SH3BGRL: variants seen among roughly 807,000 people sequenced by gnomAD.
SH3BGRL encodes adapter SH3BGRL.
A neutral mutation model predicts 9.8 loss-of-function variants in SH3BGRL; 7 were observed. That is an observed-to-expected ratio of 0.72 (90% CI 0.41 to 1.35). SH3BGRL has a LOEUF of 1.35. SH3BGRL is among the 40% of genes most tolerant of loss of function. The pLI is 0.01. For synonymous variants in SH3BGRL, 36 were observed against 29.1 expected (o/e 1.24, Z -0.76); for missense variants, 73 against 84.4 (o/e 0.86, Z 0.53).
chrX:81,290,686 T>C (rs776371131), intron 3 of SH3BGRL, among the ~76,000 whole-genome samples: 6 of 110,817 alleles, frequency 5.4e-5, no homozygotes, highest in Non-Finnish European at 1.1e-4. Flanking sequence ...CGGTCAAAAA[T>C]AAATTAATTG....
chrX:81,252,935 C>T (rs1010527144), intron 1 of SH3BGRL, among the ~76,000 whole-genome samples: 5 of 112,577 alleles, frequency 4.4e-5, no homozygotes, highest in Non-Finnish European at 7.5e-5. Context: ...GCTTACACAA[C>T]ATTTGAGTAA....
chrX:81,214,076 A>G (rs947025087), intron 1 of SH3BGRL, among the ~76,000 whole-genome samples: 1 of 112,624 alleles, frequency 8.9e-6, no homozygotes, highest in Non-Finnish European at 1.9e-5. Flanking sequence ...CAGGAACAGC[A>G]GGAAACACGT....
intron 1 of SH3BGRL, among the ~76,000 whole-genome samples, chrX:81,272,028 A>G (rs1353788359): frequency 2.8e-5 from 3 of 108,712 alleles, no homozygotes; most frequent in Non-Finnish European, 5.7e-5. Context: ...CCCTGTCTCT[A>G]CTAAAAATAC....
intron 3 of SH3BGRL, among the ~76,000 whole-genome samples, chrX:81,284,198 A>C (rs995480029): frequency 2.7e-5 from 3 of 111,569 alleles, no homozygotes; most frequent in African/African-American, 6.5e-5. Flanking sequence ...TCCCATGCTC[A>C]TGGATGGATA....
intron 3 of SH3BGRL, among the ~76,000 whole-genome samples, chrX:81,280,317 A>G (rs1301027100): frequency 9.0e-6 from 1 of 110,926 alleles, no homozygotes; most frequent in Admixed American, 9.6e-5. Context: ...CCCTCTCCGC[A>G]ATACTACAGC....
At chrX:81,205,788 CTG>C (rs1161287342) in intron 1 of SH3BGRL, among the ~76,000 whole-genome samples, 1 of 110,231 alleles carries the variant, frequency 9.1e-6, no homozygotes, top group Non-Finnish European at 1.9e-5. Flanking sequence ...TGAGAAATCT[CTG>C]TGCTGTTTTC....
intron 1 of SH3BGRL, among the ~76,000 whole-genome samples, chrX:81,230,675 A>G (rs945645085): frequency 7.1e-5 from 8 of 112,135 alleles, no homozygotes; most frequent in Non-Finnish European, 1.5e-4. Flanking sequence ...GAGAGATCAA[A>G]TAAAGCCAGT....
In SH3BGRL at chrX:81,278,376, G is replaced by T. The variant is rs1453047015; in HGVS notation, c.277G>T (p.Ala93Ser). 5 of 1,197,720 alleles carry T rather than the reference G, an allele frequency of 4.2e-6. No individual in the cohort carries two copies. The South Asian group carries it at 5.4e-5, about 13-fold the overall frequency. ...AGCCAGAGAAAATAATGCAGTGTAT[G>T]CCTTCTTAGGCTTGACAGCCCCACC... ...FEARENNAVYAFLGLTAPPGS... is the reference protein window; with the variant it reads ...FEARENNAVYSFLGLTAPPGS... Residue 93 changes from alanine to serine, a missense_variant, in exon 3 of 4, where the codon GCC becomes TCC. Ala to Ser is a moderately conservative substitution (Grantham distance 99). Coordinates refer to ENST00000373212, the MANE Select transcript of SH3BGRL (RefSeq NM_003022.3).
chrX:81,231,630 C>T (rs1167915334), intron 1 of SH3BGRL, among the ~76,000 whole-genome samples: 1 of 111,954 alleles, frequency 8.9e-6, no homozygotes, highest in African/African-American at 3.2e-5. Context: ...TCTTACTAAC[C>T]AATAGCTATT....
At chrX:81,232,962 T>A (rs773202642) in intron 1 of SH3BGRL, among the ~76,000 whole-genome samples, 33 of 111,605 alleles carry the variant, frequency 3.0e-4, no homozygotes, top group Non-Finnish European at 5.7e-4. Flanking sequence ...ACTACTGTGG[T>A]TTTGGTGCCT....
At chrX:81,263,974 G>T (rs918774587) in intron 1 of SH3BGRL, among the ~76,000 whole-genome samples, 1 of 109,814 alleles carries the variant, frequency 9.1e-6, no homozygotes, top group African/African-American at 3.3e-5. Context: ...CAGAGGCCTC[G>T]TGGTGTTCTA....
intron 1 of SH3BGRL, among the ~76,000 whole-genome samples, chrX:81,254,436 C>T (rs2075719426): frequency 8.9e-6 from 1 of 111,788 alleles, no homozygotes; most frequent in African/African-American, 3.3e-5. Flanking sequence ...GTTCTTCTTC[C>T]TATGGCAAAT....
chrX:81,285,681 T>G lies in SH3BGRL; in HGVS notation c.312+7270T>G, dbSNP rs149461301. 3.6e-3 allele frequency among the ~76,000 whole-genome samples: 407 copies of G among 112,154 alleles called. 4 individuals carry two copies. Among genetic ancestry groups the G allele is most frequent in the African/African-American group, 0.012 (378 of 31,001 alleles). On this transcript the variant is annotated intron_variant, in intron 3 of 3. Coordinates refer to ENST00000373212, the MANE Select transcript of SH3BGRL (RefSeq NM_003022.3). ...AATCAAAGTATTATACTGTGTCTAATTCTGAACTTTAGAAACTAGTTAAGT... is the reference window on the plus strand; with the variant it reads ...AATCAAAGTATTATACTGTGTCTAAGTCTGAACTTTAGAAACTAGTTAAGT...
At position 81,295,302 on chromosome X, in the gene SH3BGRL, C is replaced by T. The variant is rs370119785; in HGVS notation, c.313-1893C>T. ...ATTTTCACCTGTTTTGAGAGGGACT[C>T]GTTGGGAGATAATTTGAATCATGAA... On this transcript the variant is annotated intron_variant, in intron 3 of 3. Coordinates refer to ENST00000373212, the MANE Select transcript of SH3BGRL (RefSeq NM_003022.3). Among the ~76,000 whole-genome samples the T allele has an allele frequency of 1.3e-4, 14 of 111,539 alleles. 1 individual carries two copies. The East Asian group carries it at 2.3e-3, about 18-fold the overall frequency.
At chrX:81,239,958 C>T (rs1179450528) in intron 1 of SH3BGRL, among the ~76,000 whole-genome samples, 6 of 111,782 alleles carry the variant, frequency 5.4e-5, no homozygotes, top group East Asian at 5.6e-4. Context: ...ATATTTTCCC[C>T]GACAAACAAA....
At chrX:81,250,039 T>G (rs1312292329) in intron 1 of SH3BGRL, among the ~76,000 whole-genome samples, 1 of 109,686 alleles carries the variant, frequency 9.1e-6, no homozygotes, top group Non-Finnish European at 1.9e-5. Flanking sequence ...TTTTTTTTAA[T>G]GCAGTATACT....
At chrX:81,243,148 C>T (rs1403881784) in intron 1 of SH3BGRL, among the ~76,000 whole-genome samples, 6 of 112,216 alleles carry the variant, frequency 5.3e-5, no homozygotes, top group African/African-American at 1.6e-4. Flanking sequence ...TGTCCATCGA[C>T]AGATGAATGA....
chrX:81,276,631 AAGAG>A (rs750341732), intron 1 of SH3BGRL, among the ~76,000 whole-genome samples: 9 of 111,312 alleles, frequency 8.1e-5, no homozygotes, highest in Non-Finnish European at 1.5e-4. Context: ...GGCTGAAACT[AAGAG>A]AGGCTTGTAG....
At chrX:81,217,753 A>G (rs1225230165) in intron 1 of SH3BGRL, among the ~76,000 whole-genome samples, 1 of 111,430 alleles carries the variant, frequency 9.0e-6, no homozygotes, top group Non-Finnish European at 1.9e-5. Context: ...TTCTGTAAAT[A>G]TCTGTTTAGT....
Sources: allele counts gnomAD v4.1 joint callset (sites outside exome capture counted in the v4.1 genomes callset), GRCh38; gene constraint gnomAD v4.1.1; transcripts MANE v1.5; gene names NCBI Gene and HGNC (gene_info 2026-07-23, HGNC 2026-07-21).